Variants in CDH22 observed in about 807,000 individuals in gnomAD.
CDH22 encodes the protein cadherin 22, also known as cadherin-22.
CDH22 carries 30 observed loss-of-function variants against 58.4 expected under a neutral mutation model. The ratio of observed to expected loss-of-function variants is 0.51; its 90% CI spans 0.38 to 0.70. CDH22 has a LOEUF of 0.70. Ranked by LOEUF, CDH22 falls within the 30% of genes least tolerant of loss-of-function variation. The pLI, the probability that CDH22 is intolerant of heterozygous loss-of-function variation, is 0.00. For synonymous variants in CDH22, 513 were observed against 558.2 expected, an observed-to-expected ratio of 0.92 and a Z score of 1.14; for missense variants, 1,014 against 1,233.9, an observed-to-expected ratio of 0.82 and a Z score of 2.67.
At position 46,297,934 on chromosome 20, in the gene CDH22, G is replaced by A. The variant is rs112602927; in HGVS notation, c.-400+10321C>T. Reference sequence around the variant, plus strand: ...TGCCCCTGATGGTCCCCTCACCTTCGTCCTCTGCTCCACCACTCCCCCTAC... The same window carrying A: ...TGCCCCTGATGGTCCCCTCACCTTCATCCTCTGCTCCACCACTCCCCCTAC... On this transcript the variant is annotated intron_variant, in intron 1 of 11. Coordinates refer to ENST00000537909, the MANE Select transcript of CDH22 (RefSeq NM_021248.3). Among the ~76,000 whole-genome samples the A allele has an allele frequency of 2.0e-3, 308 of 151,916 alleles. 2 individuals are homozygous for A. Among genetic ancestry groups the A allele is most frequent in the African/African-American group, 7.0e-3 (290 of 41,406 alleles).
chr20:46,200,225 T>C (rs545285638), intron 7 of CDH22, among the ~76,000 whole-genome samples: 271 of 152,162 alleles, frequency 1.8e-3, no homozygotes, highest in Middle Eastern at 0.01. Context: ...CTGCCCGCCT[T>C]GGCCTCCCAA....
At chr20:46,205,603 A>G (rs2085996648) in intron 7 of CDH22, among the ~76,000 whole-genome samples, 1 of 152,132 alleles carries the variant, frequency 6.6e-6, no homozygotes, top group Admixed American at 6.5e-5. Flanking sequence ...GGAGACTCAC[A>G]ATGGGGCTAG....
chr20:46,226,359 C>G (rs2086175270), intron 4 of CDH22, among the ~76,000 whole-genome samples: 3 of 150,188 alleles, frequency 2.0e-5, no homozygotes, highest in African/African-American at 7.4e-5. Flanking sequence ...CATCATAGCT[C>G]ACTGCAGCCT....
At chr20:46,235,608 G>T (rs2086246731) in intron 3 of CDH22, among the ~76,000 whole-genome samples, 1 of 152,200 alleles carries the variant, frequency 6.6e-6, no homozygotes, top group South Asian at 2.1e-4. Context: ...CTCAGCCGCA[G>T]TAGCTCCATC....
chr20:46,216,243 G>C lies in CDH22; in HGVS notation c.838+583C>G, dbSNP rs1248387271. 6.6e-6 allele frequency among the ~76,000 whole-genome samples: 1 copy of C among 152,218 alleles called. No homozygotes were observed. The highest frequency in any genetic ancestry group is 2.4e-5 in the African/African-American group (1 of 41,456). ...GGGCCGGAGACATCCCCCAACCCCCGCTGTGCCAGCAGAGGCAGAGGGTGG... is the reference window on the plus strand; with the variant it reads ...GGGCCGGAGACATCCCCCAACCCCCCCTGTGCCAGCAGAGGCAGAGGGTGG... On this transcript the variant is annotated intron_variant, in intron 5 of 11. Transcript: ENST00000537909. The surrounding 1 kb of genome is among the most constrained non-coding windows in gnomAD (Gnocchi z 5.3).
At chr20:46,186,098 G>A (rs1600686417) in intron 10 of CDH22, among the ~76,000 whole-genome samples, 2 of 151,078 alleles carry the variant, frequency 1.3e-5, no homozygotes, top group Admixed American at 6.6e-5. Flanking sequence ...TCTATGCTCC[G>A]AGCTACTTGG....
rs1156339219 is a variant in CDH22, at chr20:46,210,300, G to A, written c.1286+7C>T. 1 of 1,414,774 alleles carries A rather than the reference G, an allele frequency of 7.1e-7. No individual in the cohort carries two copies. The highest frequency in any genetic ancestry group is 9.2e-7 in the Non-Finnish European group (1 of 1,090,778). 87.6% of individuals were successfully genotyped at this position (1,414,774 alleles called of 1,614,324 possible). Reference sequence around the variant, plus strand: ...CAGCAGGCGTCGGCCCCGGGCGGGGGTCTCACCGGACGGGCCGGTTGGCGG... The same window carrying A: ...CAGCAGGCGTCGGCCCCGGGCGGGGATCTCACCGGACGGGCCGGTTGGCGG... On this transcript the variant is annotated splice_region_variant and intron_variant, in intron 7 of 11. Coordinates refer to ENST00000537909, the MANE Select transcript of CDH22 (RefSeq NM_021248.3). This position sits in a 1 kb window ranked among gnomAD's most constrained non-coding sequence, Gnocchi z 4.5.
chr20:46,209,649 G>A (rs1189210944), intron 7 of CDH22, among the ~76,000 whole-genome samples: 1 of 152,184 alleles, frequency 6.6e-6, no homozygotes, highest in Non-Finnish European at 1.5e-5. Flanking sequence ...GAGGTGGTGA[G>A]AAGTGGTCAG....
rs189391264 is a variant in CDH22, at chr20:46,308,130, C to G, written c.-400+125G>C. 6 of 151,270 alleles carry G rather than the reference C, an allele frequency of 4.0e-5. No homozygotes were observed. The East Asian group carries it at 1.2e-3, about 30-fold the overall frequency. The allele number at this position is 151,270 out of a possible 1,614,324, so 9.4% of individuals were successfully genotyped here. ...GCAGGCACCCCGGCTCCTCCTGCGG[C>G]TGGAGGCTCGCCCCCCGCGCCGCCT... is the stretch of plus-strand genomic sequence containing the variant. On this transcript the variant is annotated intron_variant, in intron 1 of 11. Coordinates refer to ENST00000537909, the MANE Select transcript of CDH22 (RefSeq NM_021248.3). The surrounding 1 kb of genome is among the most constrained non-coding windows in gnomAD (Gnocchi z 4.3).
chr20:46,290,421 C>T (rs2086595843), intron 1 of CDH22, among the ~76,000 whole-genome samples: 1 of 152,174 alleles, frequency 6.6e-6, no homozygotes, highest in Non-Finnish European at 1.5e-5. Context: ...CCCGGGACAG[C>T]CCTCCACGAC....
intron 8 of CDH22, among the ~76,000 whole-genome samples, chr20:46,194,516 T>C (rs1026766066): frequency 6.6e-6 from 1 of 152,186 alleles, no homozygotes; most frequent in African/African-American, 2.4e-5. Context: ...AGGATGGGTA[T>C]AGGGCTGGAG....
chr20:46,236,115 T>G (rs575017004), intron 3 of CDH22, among the ~76,000 whole-genome samples: 1 of 152,258 alleles, frequency 6.6e-6, no homozygotes, highest in African/African-American at 2.4e-5. Context: ...GCCTGGAACA[T>G]TCTTCTTGTA....
intron 7 of CDH22, among the ~76,000 whole-genome samples, chr20:46,201,817 A>G (rs1029133907): frequency 3.3e-5 from 5 of 152,142 alleles, no homozygotes; most frequent in African/African-American, 1.2e-4. Flanking sequence ...CCTGGGCGAA[A>G]GTACGTGGGG....
At chr20:46,268,690 AG>A (rs2086473721) in intron 1 of CDH22, among the ~76,000 whole-genome samples, 2 of 152,230 alleles carry the variant, frequency 1.3e-5, no homozygotes, top group African/African-American at 2.4e-5. Flanking sequence ...GAGAGGGGAG[AG>A]GCCAGAGATG....
chr20:46,284,849 C>A (rs1043942766), intron 1 of CDH22, among the ~76,000 whole-genome samples: 1 of 152,086 alleles, frequency 6.6e-6, no homozygotes, highest in Non-Finnish European at 1.5e-5. Flanking sequence ...CTGTCTCCTG[C>A]CGAGATAGTG....
chr20:46,174,666 T>C lies in CDH22; in HGVS notation c.2327A>G (p.Glu776Gly), dbSNP rs761801141. Residue 776 changes from glutamate to glycine, a missense_variant, in exon 12 of 12, where the codon GAG (glutamate) becomes GGG (glycine). Transcript: ENST00000537909. The surrounding 1 kb of genome is among the most constrained non-coding windows in gnomAD (Gnocchi z 4.4). The stretch of plus-strand genomic sequence containing the variant: ...CGAGGCGGCCGGCGAGTCCGCGCCC[T>C]CGAAGGCGTAGGTCTGGAAGGCGTC... Reference protein sequence around the residue: ...PYDAFQTYAFEGADSPAASLS... With the variant: ...PYDAFQTYAFGGADSPAASLS... 3 of 1,558,630 alleles carry C rather than the reference T, an allele frequency of 1.9e-6. No individual in the cohort carries two copies. Among genetic ancestry groups the C allele is most frequent in the Non-Finnish European group, 2.6e-6 (3 of 1,159,284 alleles).
At chr20:46,290,578 G>A (rs2086596707) in intron 1 of CDH22, among the ~76,000 whole-genome samples, 1 of 152,224 alleles carries the variant, frequency 6.6e-6, no homozygotes, top group African/African-American at 2.4e-5. Context: ...GGGCTAGTGC[G>A]ATGCGGGCCT....
chr20:46,195,428 C>T (rs190961313), intron 8 of CDH22, among the ~76,000 whole-genome samples: 131 of 152,328 alleles, frequency 8.6e-4, no homozygotes, highest in South Asian at 8.3e-4. Flanking sequence ...TGCTGTGAGA[C>T]GTGACTTGGC....
intron 1 of CDH22, among the ~76,000 whole-genome samples, chr20:46,299,829 C>T (rs1048519360): frequency 1.3e-5 from 2 of 152,136 alleles, no homozygotes; most frequent in East Asian, 3.9e-4. Flanking sequence ...AAGATGGGAA[C>T]CCTGGTAGTC....
Sources: allele counts gnomAD v4.1 joint callset (sites outside exome capture counted in the v4.1 genomes callset), GRCh38; gene constraint gnomAD v4.1.1; non-coding constraint Gnocchi (gnomAD v3.1); transcripts MANE v1.5; gene names NCBI Gene and HGNC (gene_info 2026-07-23, HGNC 2026-07-21).